Variants in TRDN observed in about 807,000 individuals in gnomAD.
TRDN encodes triadin in skeletal muscle.
Under a neutral mutation model 149.7 loss-of-function variants are expected in TRDN, and 161 were observed. The observed-to-expected ratio is 1.08, with a 90% CI of 0.95 to 1.23. The LOEUF is 1.23. Ranked by LOEUF, TRDN falls within the 50% of genes most tolerant of loss-of-function variation. The pLI is 0.00. For synonymous variants in TRDN, 294 were observed against 250.5 expected (o/e 1.17, Z -1.64); for missense variants, 896 against 823.5 (o/e 1.09, Z -1.08).
At chr6:123,474,312 A>T (rs1380854712) in intron 9 of TRDN, among the ~76,000 whole-genome samples, 2 of 152,168 alleles carry the variant, frequency 1.3e-5, no homozygotes, top group Non-Finnish European at 2.9e-5. Context: ...GATAAAACAG[A>T]CTTTAAACCA....
At chr6:123,337,099 A>T (rs943623765) in intron 22 of TRDN, among the ~76,000 whole-genome samples, 6 of 152,028 alleles carry the variant, frequency 3.9e-5, no homozygotes, top group African/African-American at 9.7e-5. Context: ...AGCAATATAG[A>T]GTGTGACAAG....
intron 12 of TRDN, among the ~76,000 whole-genome samples, chr6:123,394,806 A>C (rs541972208): frequency 1.2e-4 from 18 of 152,278 alleles, no homozygotes; most frequent in Non-Finnish European, 2.1e-4. Context: ...TATTCAGAGA[A>C]AATATCTTTT....
intron 20 of TRDN, among the ~76,000 whole-genome samples, chr6:123,364,487 A>G (rs1015471590): frequency 6.6e-6 from 1 of 152,140 alleles, no homozygotes; most frequent in African/African-American, 2.4e-5. Context: ...AAATACAAAA[A>G]TTAGCTGGGC....
chr6:123,275,876 G>A (rs553825274), intron 26 of TRDN, among the ~76,000 whole-genome samples: 1 of 152,228 alleles, frequency 6.6e-6, no homozygotes, highest in South Asian at 2.1e-4. Flanking sequence ...ATCACAGACT[G>A]GGTAATTTAC....
At chr6:123,592,551 T>C (rs1215494700) in intron 1 of TRDN, among the ~76,000 whole-genome samples, 2 of 152,156 alleles carry the variant, frequency 1.3e-5, no homozygotes, top group African/African-American at 4.8e-5. Flanking sequence ...CCCTATCGGA[T>C]CATTTCAAAT....
At chr6:123,461,007 C>A (rs143302733) in intron 10 of TRDN, among the ~76,000 whole-genome samples, 224 of 152,212 alleles carry the variant, frequency 1.5e-3, no homozygotes, top group African/African-American at 5.1e-3. Context: ...ACAACTTTAA[C>A]ATCTCTATCA....
intron 1 of TRDN, among the ~76,000 whole-genome samples, chr6:123,627,329 T>A (rs1357503523): frequency 1.3e-5 from 2 of 152,176 alleles, no homozygotes; most frequent in Non-Finnish European, 2.9e-5. Flanking sequence ...ACAACATTAA[T>A]CTTTTTGTAT....
intron 1 of TRDN, among the ~76,000 whole-genome samples, chr6:123,608,491 G>A (rs1487572462): frequency 6.6e-6 from 1 of 152,030 alleles, no homozygotes; most frequent in Non-Finnish European, 1.5e-5. Flanking sequence ...TTAGTAAAGG[G>A]CTATATATTT....
intron 12 of TRDN, among the ~76,000 whole-genome samples, chr6:123,422,679 C>T (rs1359688578): frequency 6.6e-6 from 1 of 152,152 alleles, no homozygotes; most frequent in Non-Finnish European, 1.5e-5. Flanking sequence ...GGAATCATTG[C>T]TGCTCACAAT....
At chr6:123,489,773 A>G (rs1255950251) in intron 9 of TRDN, among the ~76,000 whole-genome samples, 3 of 152,194 alleles carry the variant, frequency 2.0e-5, no homozygotes, top group Non-Finnish European at 4.4e-5. Context: ...AAGATGATGC[A>G]ACTGTAAAAT....
chr6:123,446,584 C>CAAAAAAAAAAA (rs572029827), intron 10 of TRDN, among the ~76,000 whole-genome samples: 4 of 61,090 alleles, frequency 6.5e-5, no homozygotes, highest in African/African-American at 2.4e-4. Context: ...GATTCCATCT[C>CAAAAAAAAAAA]AAAAAAAAAA....
intron 12 of TRDN, among the ~76,000 whole-genome samples, chr6:123,403,613 G>C (rs1239570690): frequency 1.3e-5 from 2 of 152,108 alleles, no homozygotes; most frequent in Non-Finnish European, 2.9e-5. Flanking sequence ...TATCTGCCTA[G>C]GGAGATAAAG....
At chr6:123,536,110 T>C (rs1562371684) in intron 4 of TRDN, among the ~76,000 whole-genome samples, 2 of 152,170 alleles carry the variant, frequency 1.3e-5, no homozygotes, top group African/African-American at 4.8e-5. Context: ...TTAAAATATG[T>C]TAAAATGTAA....
chr6:123,438,010 G>A (rs1774669304), intron 12 of TRDN, 53 bp downstream of exon 12: 2 of 1,466,196 alleles, frequency 1.4e-6, no homozygotes, highest in Admixed American at 1.9e-5. Context: ...AGTCTTTCAT[G>A]AAGCAAACAT....
intron 24 of TRDN, among the ~76,000 whole-genome samples, chr6:123,299,837 A>G (rs1778339530): frequency 6.6e-6 from 1 of 152,038 alleles, no homozygotes. Context: ...AAAAAAGGAG[A>G]TTGAGAATAG....
intron 20 of TRDN, among the ~76,000 whole-genome samples, chr6:123,359,523 C>T (rs1780816165): frequency 6.6e-6 from 1 of 151,884 alleles, no homozygotes; most frequent in Non-Finnish European, 1.5e-5. Context: ...AACATGAGGG[C>T]AGCATGAGGT....
Position 123,475,862 on chromosome 6 carries a change from G to A in TRDN, c.854-10879C>T, listed in dbSNP as rs78097264. Among the ~76,000 whole-genome samples, 149 of 152,070 alleles carry A rather than the reference G, an allele frequency of 9.8e-4. 3 individuals are homozygous for A. The South Asian group carries it at 0.016, about 16-fold the overall frequency. On this transcript the variant is annotated intron_variant, in intron 9 of 40. Transcript: ENST00000334268. Reference sequence around the variant, plus strand: ...AGCCTTCAACGAAATTCAGCAACCCGTCATGCTAAAAACTCTCAATAAATT... The same window carrying A: ...AGCCTTCAACGAAATTCAGCAACCCATCATGCTAAAAACTCTCAATAAATT...
intron 1 of TRDN, among the ~76,000 whole-genome samples, chr6:123,588,826 G>T (rs149717558): frequency 6.6e-6 from 1 of 152,276 alleles, no homozygotes; most frequent in Non-Finnish European, 1.5e-5. Context: ...TTAAAGAAAT[G>T]CTGTAAAAGA....
intron 19 of TRDN, among the ~76,000 whole-genome samples, chr6:123,366,893 T>A (rs949707035): frequency 2.0e-5 from 3 of 152,322 alleles, no homozygotes; most frequent in Admixed American, 6.5e-5. Flanking sequence ...TAGCTTTTAA[T>A]CATGGTTGAG....
Sources: allele counts gnomAD v4.1 joint callset (sites outside exome capture counted in the v4.1 genomes callset), GRCh38; gene constraint gnomAD v4.1.1; transcripts MANE v1.5; gene names NCBI Gene and HGNC (gene_info 2026-07-23, HGNC 2026-07-21).